The following RALYL variants were observed in gnomAD, a reference collection of about 807,000 sequenced individuals.
RALYL encodes RNA-binding Raly-like protein.
A neutral mutation model predicts 35.1 loss-of-function variants in RALYL; 29 were observed. The ratio of observed to expected loss-of-function variants is 0.83; its 90% CI spans 0.61 to 1.13. The LOEUF is 1.13. Ranked by LOEUF, RALYL falls within the 50% of genes most tolerant of loss-of-function variation. The probability of loss-of-function intolerance (pLI) is 0.00; values close to 1 mark genes in which losing one functional copy is unlikely to be tolerated. For missense variants in RALYL, 359 were observed against 360.4 expected (o/e 1.00, Z 0.03); for synonymous variants, 120 against 127.6 (o/e 0.94, Z 0.40).
intron 1 of RALYL, among the ~76,000 whole-genome samples, chr8:84,482,157 T>A (rs1349798129): frequency 1.3e-5 from 2 of 152,038 alleles, no homozygotes; most frequent in Non-Finnish European, 2.9e-5. Context: ...CAGAAATTTT[T>A]AAAAATAATA....
In RALYL at chr8:84,456,638, C is replaced by T. The variant is rs189091794; in HGVS notation, c.-23-72661C>T. Among the ~76,000 whole-genome samples the T allele has an allele frequency of 1.2e-4, 18 of 152,030 alleles. 2 individuals are homozygous for T. The highest frequency in any genetic ancestry group is 4.6e-4 in the Admixed American group (7 of 15,226). On this transcript the variant is annotated intron_variant, in intron 1 of 8. Coordinates refer to ENST00000521268, the MANE Select transcript of RALYL (RefSeq NM_173848.7). ...TCATTAATTCAACAGATAATCATTG[C>T]GTTCCTACTATGGCACAGGCACTGG...
intron 1 of RALYL, among the ~76,000 whole-genome samples, chr8:84,408,340 T>C (rs1295929081): frequency 3.3e-5 from 5 of 152,170 alleles, no homozygotes; most frequent in Non-Finnish European, 7.3e-5. Context: ...AAACCTAGCA[T>C]ACTCTAATGA....
At chr8:84,353,366 A>C (rs1017289289) in intron 1 of RALYL, among the ~76,000 whole-genome samples, 1 of 150,408 alleles carries the variant, frequency 6.6e-6, no homozygotes, top group East Asian at 1.9e-4. Flanking sequence ...CCCGTGGTAC[A>C]GAAAGTGTTT....
At chr8:84,649,358 G>T (rs1267266545) in intron 2 of RALYL, among the ~76,000 whole-genome samples, 2 of 151,960 alleles carry the variant, frequency 1.3e-5, no homozygotes. Context: ...CCTTGCCCAT[G>T]CCTATGTCCT....
chr8:84,805,954 T>C (rs547111624), intron 4 of RALYL, among the ~76,000 whole-genome samples: 1 of 152,336 alleles, frequency 6.6e-6, no homozygotes, highest in South Asian at 2.1e-4. Flanking sequence ...AGCTGTCATA[T>C]ATAGGCAGCC....
chr8:84,765,845 A>G (rs538123910), intron 2 of RALYL, among the ~76,000 whole-genome samples: 3 of 151,942 alleles, frequency 2.0e-5, no homozygotes, highest in Admixed American at 6.6e-5. Context: ...GAGGAAAAAA[A>G]AAAAACCCTA....
At chr8:84,728,080 A>C (rs1165812558) in intron 2 of RALYL, among the ~76,000 whole-genome samples, 1 of 151,664 alleles carries the variant, frequency 6.6e-6, no homozygotes, top group Non-Finnish European at 1.5e-5. Context: ...ACTAGTTTAC[A>C]GTCCCACCAA....
chr8:84,729,738 A>G (rs1845760008), intron 2 of RALYL, among the ~76,000 whole-genome samples: 1 of 152,046 alleles, frequency 6.6e-6, no homozygotes, highest in African/African-American at 2.4e-5. Flanking sequence ...AACTACCATC[A>G]GAGAATACTA....
chr8:84,221,858 C>G (rs1429780223), intron 1 of RALYL, among the ~76,000 whole-genome samples: 2 of 152,070 alleles, frequency 1.3e-5, no homozygotes, highest in Non-Finnish European at 2.9e-5. Flanking sequence ...CTGGTGTGGT[C>G]TGTCTTTCTA....
intron 1 of RALYL, among the ~76,000 whole-genome samples, chr8:84,319,953 A>G (rs1844486578): frequency 6.6e-6 from 1 of 152,086 alleles, no homozygotes; most frequent in African/African-American, 2.4e-5. Flanking sequence ...ATATTTATGT[A>G]TAAAACTCTT....
At chr8:84,349,797 T>C (rs1169788873) in intron 1 of RALYL, among the ~76,000 whole-genome samples, 4 of 150,298 alleles carry the variant, frequency 2.7e-5, no homozygotes, top group African/African-American at 9.9e-5. Context: ...TATATGAACA[T>C]GAGCCTAGTA....
chr8:84,887,679 C>T lies in RALYL; in HGVS notation c.761C>T (p.Ser254Phe), dbSNP rs371413262. The T allele has an allele frequency of 2.8e-5, 45 of 1,613,618 alleles. No individual in the cohort carries two copies. Among genetic ancestry groups the T allele is most frequent in the Non-Finnish European group, 3.6e-5 (43 of 1,179,774 alleles). ...TGTGTGTCAGAGATTGCAGATCACT[C>T]TACAGAGGAGCCTGCTGAAGGAGGG... ...EECVSEIADHSTEEPAEGGPD... is the reference protein window; with the variant it reads ...EECVSEIADHFTEEPAEGGPD... The change falls in exon 8 of 9, where the codon TCT becomes TTT. Residue 254 changes from serine (S) to phenylalanine (F), a missense_variant. By Grantham distance (155) the Ser-to-Phe change is radical. Coordinates refer to ENST00000521268, the MANE Select transcript of RALYL (RefSeq NM_173848.7).
chr8:84,801,306 T>C (rs1823195685), intron 3 of RALYL, among the ~76,000 whole-genome samples: 1 of 152,140 alleles, frequency 6.6e-6, no homozygotes, highest in Admixed American at 6.5e-5. Context: ...TGACCAATAA[T>C]CTTTTTTTCT....
chr8:84,534,532 G>A (rs1029296106), intron 2 of RALYL, among the ~76,000 whole-genome samples: 1 of 152,082 alleles, frequency 6.6e-6, no homozygotes, highest in Admixed American at 6.5e-5. Flanking sequence ...CATCTTCTTA[G>A]CACCTAACAA....
At chr8:84,439,175 C>A (rs1258877210) in intron 1 of RALYL, among the ~76,000 whole-genome samples, 1 of 151,804 alleles carries the variant, frequency 6.6e-6, no homozygotes, top group Non-Finnish European at 1.5e-5. Context: ...TTGCTTTGGG[C>A]AGTATGGTTG....
intron 8 of RALYL, among the ~76,000 whole-genome samples, chr8:84,891,528 T>A (rs912943034): frequency 2.0e-5 from 3 of 152,132 alleles, no homozygotes; most frequent in Middle Eastern, 3.4e-3. Flanking sequence ...ACACAGAAAA[T>A]AGCTGATTAG....
rs190678401 is a variant in RALYL, at chr8:84,374,629, G to A, written c.-23-154670G>A. ...AGGAACAGAAAACCAAGTATTGCAT[G>A]TTCTCACTCATAAGTGGGACCTAAT... On this transcript the variant is annotated intron_variant, in intron 1 of 8. Coordinates refer to ENST00000521268, the MANE Select transcript of RALYL (RefSeq NM_173848.7). Among the ~76,000 whole-genome samples, 588 of 151,984 alleles carry A rather than the reference G, an allele frequency of 3.9e-3. 5 individuals carry two copies. Among genetic ancestry groups the A allele is most frequent in the Non-Finnish European group, 4.7e-3 (322 of 67,928 alleles).
intron 1 of RALYL, among the ~76,000 whole-genome samples, chr8:84,509,297 T>A (rs369484537): frequency 3.3e-5 from 5 of 152,096 alleles, no homozygotes; most frequent in African/African-American, 1.2e-4. Context: ...AAGAGAAGAA[T>A]CTTCTGAGAA....
chr8:84,269,558 G>A (rs561699672), intron 1 of RALYL, among the ~76,000 whole-genome samples: 15 of 152,238 alleles, frequency 9.9e-5, no homozygotes, highest in Middle Eastern at 6.8e-3. Context: ...TAAACCACAT[G>A]CTGTCAATGA....
Sources: gnomAD v4.1 joint callset for allele counts (sites outside exome capture counted in the v4.1 genomes callset) on GRCh38, gnomAD v4.1.1 for gene constraint, MANE v1.5 for transcripts, NCBI Gene and HGNC (gene_info 2026-07-23, HGNC 2026-07-21) for gene names.